Variants in PKD1 observed in about 807,000 individuals in gnomAD.
The protein encoded by PKD1 is polycystin 1, transient receptor potential channel interacting, also known as polycystin-1.
PKD1 carries 81 observed loss-of-function variants against 361.7 expected under a neutral mutation model. That is an observed-to-expected ratio of 0.22 (90% CI 0.19 to 0.27). PKD1 has a LOEUF of 0.27. PKD1 is among the 10% of genes least tolerant of loss of function. The pLI is 1.00. For missense variants in PKD1, 6,399 were observed against 6,118.3 expected, an observed-to-expected ratio of 1.05 and a Z score of -1.53; for synonymous variants, 3,615 against 2,818.3, an observed-to-expected ratio of 1.28 and a Z score of -8.95.
In PKD1 at chr16:2,102,806, G is replaced by A. The variant is rs375951541; in HGVS notation, c.8948+8C>T. The A allele has an allele frequency of 2.5e-6, 4 of 1,609,862 alleles. No homozygotes were observed. Among genetic ancestry groups the A allele is most frequent in the South Asian group, 2.2e-5 (2 of 90,998 alleles). ...CCCTGCCCTGCCAGGCTGGCCCGCA[G>A]AGCTCACCCCGGGGAAATGAAGAAG... On this transcript the variant is annotated splice_region_variant and intron_variant, in intron 24 of 45. Coordinates refer to ENST00000262304, the MANE Select transcript of PKD1 (RefSeq NM_001009944.3).
At chr16:2,132,677 A>C (rs2092901240) in intron 1 of PKD1, among the ~76,000 whole-genome samples, 1 of 151,844 alleles carries the variant, frequency 6.6e-6, no homozygotes, top group African/African-American at 2.4e-5. Context: ...ATGTGAACAC[A>C]CCAGGCCTTC....
At chr16:2,107,806 T>A (rs1056573531) in intron 16 of PKD1, 77 bp downstream of exon 16, 26 of 1,426,314 alleles carry the variant, frequency 1.8e-5, no homozygotes, top group Non-Finnish European at 2.4e-5. Context: ...CCACCAGCAC[T>A]AAAACACGGA....
Position 2,093,962 on chromosome 16 carries a change from A to C in PKD1, c.10670T>G (p.Leu3557Arg). The change falls in exon 36 of 46, where the codon CTG (leucine) becomes CGG (arginine). Residue 3557 changes from leucine (L) to arginine (R), a missense_variant. By Grantham distance (102) the Leu-to-Arg change is moderately radical. Coordinates refer to ENST00000262304, the MANE Select transcript of PKD1 (RefSeq NM_001009944.3). ...KRLLPAWCAS[L>R]AHGLSLLLVA... ...CAGGAGCAGGCTGAGCCCGTGGGCC[A>C]GGGAGGCACACCAGGCCGGCAGCAG... The C allele has an allele frequency of 1.9e-6, 3 of 1,587,532 alleles. No homozygotes were observed. Among genetic ancestry groups the C allele is most frequent in the Non-Finnish European group, 1.7e-6 (2 of 1,170,248 alleles).
At chr16:2,126,881 G>A (rs2092806259) in intron 1 of PKD1, among the ~76,000 whole-genome samples, 1 of 152,162 alleles carries the variant, frequency 6.6e-6, no homozygotes, top group African/African-American at 2.4e-5. Context: ...CCATACCCTA[G>A]GGGACCCAGG....
chr16:2,105,612 G>A (rs1292340722), intron 20 of PKD1, 138 bp from the exon 21 acceptor site: 1 of 1,571,124 alleles, frequency 6.4e-7, no homozygotes. Flanking sequence ...ACACTGAGCT[G>A]TTTCTTCATG....
In PKD1 at chr16:2,106,791, C is replaced by T. The variant is rs779647581; in HGVS notation, c.7209+14G>A. ...ACCCATCCCCAGCCCGCCCACACCC[C>T]GCTCAACACTCACCCCTCGCTTGGA... On this transcript the variant is annotated intron_variant, in intron 17 of 45. Transcript: ENST00000262304. The surrounding 1 kb of genome is among the most constrained non-coding windows in gnomAD (Gnocchi z 6.5). The T allele has an allele frequency of 2.5e-5, 38 of 1,522,506 alleles. No homozygotes were observed. The highest frequency in any genetic ancestry group is 2.4e-4 in the African/African-American group (17 of 70,306). 94.3% of individuals were successfully genotyped at this position (1,522,506 alleles called of 1,614,324 possible). A position where few individuals can be genotyped will look rare whatever the true frequency, so the allele number is the denominator to read the frequency against.
rs761888631 is a variant in PKD1, at chr16:2,100,070, G to A, written c.9714C>T (p.Ser3238=). ...GCCGGAAGCGCAAAAGGGCTGCGTC[G>A]CCTAGAAGGCAGGGAGGGCCGCACT... is the stretch of plus-strand genomic sequence containing the variant. ...GLVEKEVLAA[S]DAALLRFRRL... is the part of the protein sequence containing the mutation. Residue 3238 remains serine, a splice_region_variant and synonymous_variant, in exon 29 of 46, where the codon AGC becomes AGT. Coordinates refer to ENST00000262304, the MANE Select transcript of PKD1 (RefSeq NM_001009944.3). This position sits in a 1 kb window ranked among gnomAD's most constrained non-coding sequence, Gnocchi z 4.4. 81 of 1,601,086 alleles carry A rather than the reference G, an allele frequency of 5.1e-5. No individual in the cohort carries two copies. Among genetic ancestry groups the A allele is most frequent in the African/African-American group, 2.5e-4 (19 of 74,634 alleles).
At chr16:2,130,939 G>A (rs2092868274) in intron 1 of PKD1, among the ~76,000 whole-genome samples, 1 of 152,228 alleles carries the variant, frequency 6.6e-6, no homozygotes. Flanking sequence ...CAGCCAGGGT[G>A]AGTGGCAACC....
Position 2,109,128 on chromosome 16 carries a change from G to A in PKD1, c.6039C>T (p.Val2013=). The A allele has an allele frequency of 1.2e-6, 2 of 1,603,304 alleles. No homozygotes were observed. The highest frequency in any genetic ancestry group is 8.5e-7 in the Non-Finnish European group (1 of 1,174,802). Residue 2013 remains valine, a synonymous_variant, in exon 15 of 46, where the codon GTC becomes GTT. Coordinates refer to ENST00000262304, the MANE Select transcript of PKD1 (RefSeq NM_001009944.3). ...ACAGGATGACCAGCGAGTCGCCCTGGACCTTCTGCAGCGAGAAGTACCAGG... is the reference window on the plus strand; with the variant it reads ...ACAGGATGACCAGCGAGTCGCCCTGAACCTTCTGCAGCGAGAAGTACCAGG... ...AYAWYFSLQK[V]QGDSLVILSG...
rs755496450 is a variant in PKD1, at chr16:2,089,948, G to T, written c.12691C>A (p.Gln4231Lys). The change falls in exon 46 of 46, where the codon CAG becomes AAG. Residue 4231 changes from glutamine to lysine, a missense_variant. By Grantham distance (53) the Gln-to-Lys change is moderately conservative. Transcript: ENST00000262304. ...AGCTGGTAGACGTCCTCTGTGGCCTGGTTGAGTCGGTCAAACTGGGTGAGC... is the reference window on the plus strand; with the variant it reads ...AGCTGGTAGACGTCCTCTGTGGCCTTGTTGAGTCGGTCAAACTGGGTGAGC... ...ALLTQFDRLN[Q>K]ATEDVYQLEQ... 8.1e-5 allele frequency: 131 copies of T among 1,612,166 alleles called. No individual in the cohort carries two copies. Among genetic ancestry groups the T allele is most frequent in the Non-Finnish European group, 1.1e-4 (126 of 1,179,782 alleles).
intron 44 of PKD1, 40 bp from the exon 45 acceptor site, chr16:2,090,630 C>A: frequency 6.2e-7 from 1 of 1,609,730 alleles, no homozygotes; most frequent in Non-Finnish European, 8.5e-7. Flanking sequence ...TACAGCTGAG[C>A]TGAGCTGAGC....
chr16:2,112,849 T>A lies in PKD1; in HGVS notation c.3100A>T (p.Asn1034Tyr), dbSNP rs369180760. 6 of 1,605,128 alleles carry A rather than the reference T, an allele frequency of 3.7e-6. No individual in the cohort carries two copies. In the African/African-American group the frequency reaches 8.0e-5, roughly 21 times the overall value. ...CCCGCCGTCAGTGCTAGCGTGGCAT[T>A]GGGGGACAGCACGGCCGGCACTGTG... ...VSTVPAVLSPNATLALTAGVL... is the reference protein window; with the variant it reads ...VSTVPAVLSPYATLALTAGVL... Residue 1034 changes from asparagine (N) to tyrosine (Y), a missense_variant, in exon 13 of 46, where the codon AAT (asparagine) becomes TAT (tyrosine). Physicochemically the swap from Asn to Tyr is moderately radical, Grantham distance 143. Transcript: ENST00000262304.
chr16:2,114,373 C>T lies in PKD1; in HGVS notation c.2650G>A (p.Gly884Ser), dbSNP rs763770493. 4.3e-6 allele frequency: 7 copies of T among 1,609,364 alleles called. No individual in the cohort carries two copies. Among genetic ancestry groups the T allele is most frequent in the South Asian group, 1.1e-5 (1 of 90,978 alleles). ...GTATCGTTGGTCTCCCAGGGGCAGC[C>T]GGGCACGAAGGTGGCCACCAGGGCA... The part of the protein sequence containing the change: ...CPALVATFVP[G>S]CPWETNDTLF... The change falls in exon 11 of 46, where the codon GGC (glycine) becomes AGC (serine). Residue 884 changes from glycine (G) to serine (S), a missense_variant. Physicochemically the swap from Gly to Ser is moderately conservative, Grantham distance 56. Transcript: ENST00000262304.
At position 2,108,283 on chromosome 16, in the gene PKD1, C is replaced by G. The variant is rs1337081599; in HGVS notation, c.6884G>C (p.Ser2295Thr). 4 of 1,602,130 alleles carry G rather than the reference C, an allele frequency of 2.5e-6. No homozygotes were observed. In the East Asian group the frequency reaches 6.7e-5, roughly 27 times the overall value. The part of the protein sequence containing the change: ...NLEDGDQTPL[S>T]FHWACVASTQ... ...CGAAGCCACACAGGCCCAGTGGAAA[C>G]TGAGCGGCGTCTGGTCGCCGTCCTC... Residue 2295 changes from serine (S) to threonine (T), a missense_variant, in exon 15 of 46, where the codon AGT becomes ACT. By Grantham distance (58) the Ser-to-Thr change is moderately conservative. Coordinates refer to ENST00000262304, the MANE Select transcript of PKD1 (RefSeq NM_001009944.3).
intron 34 of PKD1, among the ~76,000 whole-genome samples, chr16:2,096,205 C>G (rs1459640030): frequency 2.0e-5 from 3 of 152,268 alleles, no homozygotes; most frequent in Admixed American, 2.0e-4. Context: ...CGTAGTTACC[C>G]AAACCCAGAC....
intron 34 of PKD1, among the ~76,000 whole-genome samples, chr16:2,095,786 A>C (rs7185040): frequency 0.3 from 46,354 of 152,166 alleles, 10,606 homozygotes; most frequent in African/African-American, 0.64. Flanking sequence ...CTCTGTGTGG[A>C]TGCGGAGTCT....
rs1044682533 is a variant in PKD1, at chr16:2,107,913, G to A, written c.7035C>T (p.Ala2345=). 41 of 1,545,448 alleles carry A rather than the reference G, an allele frequency of 2.7e-5. No individual in the cohort carries two copies. The Admixed American group carries it at 2.7e-4, about 10-fold the overall frequency. Residue 2345 remains alanine, a synonymous_variant, in exon 16 of 46, where the codon GCC becomes GCT. Transcript: ENST00000262304. ...EYTFSLTVWK[A]GRKEEATNQT... ...GGTTGGTGGCCTCCTCCTTGCGGCC[G>A]GCCTTCCACACGGTCAGGCTGAAGG...
At chr16:2,125,637 G>C (rs1596611881) in intron 1 of PKD1, among the ~76,000 whole-genome samples, 1 of 151,296 alleles carries the variant, frequency 6.6e-6, no homozygotes, top group African/African-American at 2.5e-5. Flanking sequence ...AACACAGCCA[G>C]CTCAAAAAGG....
chr16:2,091,592 C>T lies in PKD1; in HGVS notation c.11543G>A (p.Arg3848His). The change falls in exon 42 of 46, where the codon CGC becomes CAC. Residue 3848 changes from arginine (R) to histidine (H), a missense_variant. Coordinates refer to ENST00000262304, the MANE Select transcript of PKD1 (RefSeq NM_001009944.3). Reference sequence around the variant, plus strand: ...GCGCGTGAGCTCCAGGAACACAGCGCGGCTCCTGCGCAGAGGGTGCGGGTC... The same window carrying T: ...GCGCGTGAGCTCCAGGAACACAGCGTGGCTCCTGCGCAGAGGGTGCGGGTC... ...QLHNWLDNRS[R>H]AVFLELTRYS... 1 of 1,555,920 alleles carries T rather than the reference C, an allele frequency of 6.4e-7. No homozygotes were observed. The highest frequency in any genetic ancestry group is 8.6e-7 in the Non-Finnish European group (1 of 1,159,692).
Sources: allele counts gnomAD v4.1 joint callset (sites outside exome capture counted in the v4.1 genomes callset), GRCh38; gene constraint gnomAD v4.1.1; non-coding constraint Gnocchi (gnomAD v3.1); transcripts MANE v1.5; gene names NCBI Gene and HGNC (gene_info 2026-07-23, HGNC 2026-07-21).